ARHGAP24: variants seen among roughly 807,000 people sequenced by gnomAD.
ARHGAP24 encodes rho GTPase-activating protein 24.
Under a neutral mutation model 76.4 loss-of-function variants are expected in ARHGAP24, and 50 were observed. The observed-to-expected ratio is 0.65, with a 90% CI of 0.52 to 0.83. ARHGAP24 has a LOEUF of 0.83. Among genes scored for constraint, ARHGAP24 ranks in the 40% least tolerant of loss-of-function variants. The pLI, the probability that ARHGAP24 is intolerant of heterozygous loss-of-function variation, is 0.00. For missense variants in ARHGAP24, 930 were observed against 914.2 expected, an observed-to-expected ratio of 1.02 and a Z score of -0.22; for synonymous variants, 345 against 323.3, an observed-to-expected ratio of 1.07 and a Z score of -0.72.
chr4:85,963,055 T>G (rs771725914), intron 5 of ARHGAP24, among the ~76,000 whole-genome samples: 4 of 152,032 alleles, frequency 2.6e-5, no homozygotes, highest in African/African-American at 9.7e-5. Flanking sequence ...GTACACACAT[T>G]TACAATAGAA....
At chr4:85,909,451 T>C (rs564031204) in intron 3 of ARHGAP24, among the ~76,000 whole-genome samples, 34 of 152,344 alleles carry the variant, frequency 2.2e-4, no homozygotes, top group African/African-American at 7.9e-4. Flanking sequence ...TCTTATTGGG[T>C]AATGAGAATC....
chr4:85,589,006 A>T (rs952778107), intron 2 of ARHGAP24, among the ~76,000 whole-genome samples: 1 of 152,222 alleles, frequency 6.6e-6, no homozygotes, highest in African/African-American at 2.4e-5. Context: ...TGCAAGGTGA[A>T]ACTTGTAGGT....
At chr4:85,961,194 C>T (rs772516510) in intron 5 of ARHGAP24, among the ~76,000 whole-genome samples, 2 of 152,094 alleles carry the variant, frequency 1.3e-5, no homozygotes, top group Non-Finnish European at 2.9e-5. Context: ...TCTTTTAAAG[C>T]TTTTTATGTG....
At chr4:85,705,322 T>G (rs1218696538) in intron 2 of ARHGAP24, among the ~76,000 whole-genome samples, 1 of 152,158 alleles carries the variant, frequency 6.6e-6, no homozygotes, top group African/African-American at 2.4e-5. Context: ...ATTTTTTGAC[T>G]CTAACAAGAA....
chr4:85,576,358 A>T (rs1308050397), intron 2 of ARHGAP24, among the ~76,000 whole-genome samples: 1 of 151,774 alleles, frequency 6.6e-6, no homozygotes, highest in Non-Finnish European at 1.5e-5. Flanking sequence ...CGAACCCGGG[A>T]GGCGGAGCTT....
chr4:85,890,950 T>A (rs1733853802), intron 3 of ARHGAP24, among the ~76,000 whole-genome samples: 1 of 152,052 alleles, frequency 6.6e-6, no homozygotes, highest in Admixed American at 6.6e-5. Context: ...TGTCTGCAAG[T>A]CTAGGGATCG....
At chr4:85,972,002 TC>T in intron 5 of ARHGAP24, 33 bp from the exon 6 acceptor site, 1 of 1,613,860 alleles carries the variant, frequency 6.2e-7, no homozygotes, top group Non-Finnish European at 8.5e-7. Flanking sequence ...TGAAGTTTAC[TC>T]CAAAGAATAT....
chr4:85,677,472 G>T (rs1723024637), intron 2 of ARHGAP24, among the ~76,000 whole-genome samples: 1 of 152,148 alleles, frequency 6.6e-6, no homozygotes, highest in South Asian at 2.1e-4. Context: ...ATAGCCTTTG[G>T]ACCTGGCAGA....
At chr4:85,840,266 C>T (rs1730528917) in intron 3 of ARHGAP24, among the ~76,000 whole-genome samples, 1 of 152,140 alleles carries the variant, frequency 6.6e-6, no homozygotes, top group Non-Finnish European at 1.5e-5. Context: ...CTTAAGTAAA[C>T]TTTGATTTAA....
chr4:85,818,991 T>C (rs374142615), intron 3 of ARHGAP24, among the ~76,000 whole-genome samples: 1 of 152,214 alleles, frequency 6.6e-6, no homozygotes, highest in Non-Finnish European at 1.5e-5. Flanking sequence ...AGAAACGTCA[T>C]AGGGCTTATG....
chr4:85,570,448 G>T (rs1459808874), intron 1 of ARHGAP24, 74 bp from the exon 2 acceptor site: 3 of 905,558 alleles, frequency 3.3e-6, no homozygotes, highest in Non-Finnish European at 3.3e-6. Context: ...TTTTTCTGGA[G>T]AAGAGTGGTT....
chr4:85,662,297 T>C (rs1209934512), intron 2 of ARHGAP24, among the ~76,000 whole-genome samples: 2 of 151,966 alleles, frequency 1.3e-5, no homozygotes, highest in East Asian at 3.8e-4. Flanking sequence ...ATGTGTTTTT[T>C]GGCTGCATAA....
intron 3 of ARHGAP24, among the ~76,000 whole-genome samples, chr4:85,802,530 G>T (rs529355089): frequency 6.6e-6 from 1 of 152,182 alleles, no homozygotes; most frequent in Non-Finnish European, 1.5e-5. Context: ...GGTGGCTCAC[G>T]CCTGTAATCC....
At chr4:85,643,033 C>T (rs1721584170) in intron 2 of ARHGAP24, among the ~76,000 whole-genome samples, 1 of 151,688 alleles carries the variant, frequency 6.6e-6, no homozygotes, top group Non-Finnish European at 1.5e-5. Flanking sequence ...TGCAGTAGTT[C>T]TCATCTTCCT....
intron 3 of ARHGAP24, among the ~76,000 whole-genome samples, chr4:85,917,572 CT>C (rs1218511781): frequency 5.9e-5 from 9 of 152,130 alleles, no homozygotes. Context: ...TCTCCAACAT[CT>C]GTTGTTTCCT....
chr4:85,487,596 ATATT>A (rs1723141426), intron 1 of ARHGAP24, among the ~76,000 whole-genome samples: 1 of 106,946 alleles, frequency 9.4e-6, no homozygotes, highest in Non-Finnish European at 1.7e-5. Flanking sequence ...ATATAAATAT[ATATT>A]TATTATATTA....
intron 1 of ARHGAP24, among the ~76,000 whole-genome samples, chr4:85,557,649 C>A (rs1260305867): frequency 1.1e-5 from 1 of 94,984 alleles, no homozygotes; most frequent in African/African-American, 3.1e-5. Flanking sequence ...GGTTGAAGAG[C>A]TAGTGTCAAC....
chr4:85,930,656 G>C (rs1018226696), intron 4 of ARHGAP24: 35 of 1,112,394 alleles, frequency 3.1e-5, no homozygotes, highest in Non-Finnish European at 3.5e-5. Context: ...TGACATTTTG[G>C]AATGTCTGCA....
Position 85,570,585 on chromosome 4 carries a change from A to G in ARHGAP24, c.44A>G (p.Gln15Arg). Reference protein sequence around the residue: ...NDSTENPQQGQGRQNAIKCGW... With the variant: ...NDSTENPQQGRGRQNAIKCGW... ...TCCACGGAGAACCCCCAACAAGGCC[A>G]AGGGCGGCAGAATGCCATCAAGTGT... Residue 15 changes from glutamine to arginine, a missense_variant, in exon 2 of 10, where the codon CAA becomes CGA. By Grantham distance (43) the Gln-to-Arg change is conservative (BLOSUM62 1). Transcript: ENST00000395184. 6.2e-7 allele frequency: 1 copy of G among 1,614,104 alleles called. No individual in the cohort carries two copies.
Sources: gnomAD v4.1 joint callset for allele counts (sites outside exome capture counted in the v4.1 genomes callset) on GRCh38, gnomAD v4.1.1 for gene constraint, MANE v1.5 for transcripts, NCBI Gene and HGNC (gene_info 2026-07-23, HGNC 2026-07-21) for gene names.